The following GTF2IRD1 variants were observed in gnomAD, a reference collection of about 807,000 sequenced individuals.
GTF2IRD1 encodes general transcription factor II-I repeat domain-containing protein 1.
GTF2IRD1 carries 26 observed loss-of-function variants against 113.2 expected under a neutral mutation model. That is an observed-to-expected ratio of 0.23 (90% CI 0.17 to 0.32). The LOEUF (loss-of-function observed/expected upper bound fraction) is 0.32. Among genes scored for constraint, GTF2IRD1 ranks in the 10% least tolerant of loss-of-function variants. The pLI is 1.00. For missense variants in GTF2IRD1, 864 were observed against 1,280.8 expected, an observed-to-expected ratio of 0.67 and a Z score of 4.97; for synonymous variants, 484 against 529.1, an observed-to-expected ratio of 0.91 and a Z score of 1.17.
chr7:74,538,681 A>G lies in GTF2IRD1; in HGVS notation c.1449A>G (p.Gly483=). The G allele has an allele frequency of 1.3e-6, 2 of 1,579,770 alleles. No individual in the cohort carries two copies. The highest frequency in any genetic ancestry group is 1.7e-6 in the Non-Finnish European group (2 of 1,148,780). Reference sequence around the variant, plus strand: ...GGATTCTTCCTTTCCTCCTTGCAGGAACCTCCGGGGAGCTGGGCGGGCTGA... The same window carrying G: ...GGATTCTTCCTTTCCTCCTTGCAGGGACCTCCGGGGAGCTGGGCGGGCTGA... ...KGSMSEDCGP[G]TSGELGGLRP... Residue 483 remains glycine (G), a splice_region_variant and synonymous_variant, in exon 13 of 27, where the codon GGA becomes GGG. Transcript: ENST00000424337.
At chr7:74,540,223 C>T (rs782071056) in intron 14 of GTF2IRD1, among the ~76,000 whole-genome samples, 5 of 152,082 alleles carry the variant, frequency 3.3e-5, no homozygotes, top group East Asian at 1.9e-4. Context: ...CTCGGCTCAC[C>T]GCAACCTCTG....
intron 1 of GTF2IRD1, among the ~76,000 whole-genome samples, chr7:74,474,434 G>A (rs1266160762): frequency 6.6e-6 from 1 of 152,152 alleles, no homozygotes; most frequent in Non-Finnish European, 1.5e-5. Flanking sequence ...TCCCATCTTG[G>A]TGCAAATATT....
intron 26 of GTF2IRD1, chr7:74,601,618 C>A: frequency 1.9e-6 from 1 of 514,858 alleles, no homozygotes; most frequent in Non-Finnish European, 3.1e-6. Context: ...ACTAAAAATA[C>A]AAAATTAGCC....
rs1156355118 is a variant in GTF2IRD1, at chr7:74,520,769, C to CA, written c.917-418dup. ...TAACATAGCAAGATCCTATCTCTACCAAAAAAAAAAAAAAAAAAAAAGCGT... is the reference window on the plus strand; with the variant it reads ...TAACATAGCAAGATCCTATCTCTACCAAAAAAAAAAAAAAAAAAAAAAGCGT... On this transcript the variant is annotated intron_variant, in intron 6 of 26. Coordinates refer to ENST00000424337, the MANE Select transcript of GTF2IRD1 (RefSeq NM_005685.4). Among the ~76,000 whole-genome samples the CA allele has an allele frequency of 3.6e-3, 176 of 48,448 alleles. 1 individual carries two copies. Among genetic ancestry groups the CA allele is most frequent in the South Asian group, 8.9e-3 (11 of 1,234 alleles). The allele number at this position is 48,448 out of a possible 152,430, so 31.8% of individuals were successfully genotyped here.
chr7:74,460,248 CA>C (rs1190376733), intron 1 of GTF2IRD1, among the ~76,000 whole-genome samples: 1 of 151,356 alleles, frequency 6.6e-6, no homozygotes, highest in Non-Finnish European at 1.5e-5. Flanking sequence ...TGTACCCAGC[CA>C]GCAGGGTCCT....
chr7:74,497,785 A>C (rs1003336543), intron 1 of GTF2IRD1, among the ~76,000 whole-genome samples: 5 of 149,212 alleles, frequency 3.4e-5, no homozygotes, highest in African/African-American at 5.0e-5. Flanking sequence ...GCTCACTGCA[A>C]CCTCCGCCTC....
chr7:74,462,702 C>T (rs956278180), intron 1 of GTF2IRD1, among the ~76,000 whole-genome samples: 4 of 152,212 alleles, frequency 2.6e-5, no homozygotes, highest in Non-Finnish European at 2.9e-5. Context: ...CTGTGGCCTG[C>T]ACCCCATCAC....
intron 22 of GTF2IRD1, among the ~76,000 whole-genome samples, chr7:74,573,523 T>C (rs1051092793): frequency 2.0e-5 from 3 of 151,812 alleles, no homozygotes; most frequent in Admixed American, 1.3e-4. Context: ...CAGAAACCCT[T>C]TCCCCAGCGA....
Position 74,601,223 on chromosome 7 carries a change from C to A in GTF2IRD1, c.2766+43C>A. On this transcript the variant is annotated intron_variant, in intron 26 of 26. Transcript: ENST00000424337. ...TGGACTCCGGCACTCATCTCTGTGG[C>A]CCTCACCCCTCTGTCTGGCAGGGCC... 3 of 1,553,362 alleles carry A rather than the reference C, an allele frequency of 1.9e-6. No individual in the cohort carries two copies. In the South Asian group the frequency reaches 3.6e-5, roughly 18 times the overall value.
chr7:74,492,475 T>C (rs1554336975), intron 1 of GTF2IRD1, among the ~76,000 whole-genome samples: 1 of 152,148 alleles, frequency 6.6e-6, no homozygotes, highest in Non-Finnish European at 1.5e-5. Context: ...TGGCCCAGCA[T>C]CTGTCATTTT....
At chr7:74,564,373 C>A (rs1462865932) in intron 22 of GTF2IRD1, among the ~76,000 whole-genome samples, 1 of 152,144 alleles carries the variant, frequency 6.6e-6, no homozygotes, top group Non-Finnish European at 1.5e-5. Context: ...ATTGCAAGAG[C>A]CCCACTGCAC....
At chr7:74,544,649 TG>T in intron 14 of GTF2IRD1, 105 bp from the exon 15 acceptor site, 1 of 1,108,114 alleles carries the variant, frequency 9.0e-7, no homozygotes, top group Non-Finnish European at 1.4e-6. Flanking sequence ...GCTTCAGAGT[TG>T]GGGCCCCCTG....
chr7:74,515,729 G>A (rs2130182734), intron 4 of GTF2IRD1, 133 bp downstream of exon 4: 1 of 701,010 alleles, frequency 1.4e-6, no homozygotes, highest in East Asian at 2.7e-5. Context: ...TGGGGCTACT[G>A]GCTACCCCAG....
At chr7:74,562,554 T>TG (rs1554359387) in intron 22 of GTF2IRD1, among the ~76,000 whole-genome samples, 2 of 106,284 alleles carry the variant, frequency 1.9e-5, no homozygotes, top group Non-Finnish European at 3.8e-5. Context: ...CCAATTGCCC[T>TG]CTTTTTTTTT....
At chr7:74,472,590 T>C (rs782262279) in intron 1 of GTF2IRD1, among the ~76,000 whole-genome samples, 57 of 151,716 alleles carry the variant, frequency 3.8e-4, no homozygotes, top group Non-Finnish European at 7.5e-4. Context: ...CTATTAAAAA[T>C]ACAAAAAAAA....
At chr7:74,518,740 T>G (rs1797098098) in intron 5 of GTF2IRD1, among the ~76,000 whole-genome samples, 1 of 151,904 alleles carries the variant, frequency 6.6e-6, no homozygotes, top group South Asian at 2.1e-4. Context: ...TAAAAAAAAT[T>G]ACCCAGGTGT....
At chr7:74,536,088 C>A in intron 10 of GTF2IRD1, 79 bp from the exon 11 acceptor site, 1 of 917,076 alleles carries the variant, frequency 1.1e-6, no homozygotes, top group Non-Finnish European at 1.8e-6. Flanking sequence ...CAGCTTCACA[C>A]ACAGACCTTT....
In GTF2IRD1 at chr7:74,538,711, G is replaced by A. The variant is rs782315151; in HGVS notation, c.1479G>A (p.Pro493=). ...CCGGGGAGCTGGGCGGGCTGAGGCC[G>A]ATCAAAATTGAGCCAGAGGATCTGG... The part of the protein sequence containing the change: ...GTSGELGGLR[P]IKIEPEDLDI... The change falls in exon 13 of 27, where the codon CCG becomes CCA. Residue 493 remains proline, a synonymous_variant. Coordinates refer to ENST00000424337, the MANE Select transcript of GTF2IRD1 (RefSeq NM_005685.4). 65 of 1,607,176 alleles carry A rather than the reference G, an allele frequency of 4.0e-5. 1 individual carries two copies. In the South Asian group the frequency reaches 5.7e-4, roughly 14 times the overall value.
Position 74,555,837 on chromosome 7 carries a change from G to A in GTF2IRD1, c.2023+343G>A, listed in dbSNP as rs1302335059. ...TGAAATCAGAATAGGAGCCAGACGCGGCACCTCACGCCTGTAATCTCAGCA... is the reference window on the plus strand; with the variant it reads ...TGAAATCAGAATAGGAGCCAGACGCAGCACCTCACGCCTGTAATCTCAGCA... On this transcript the variant is annotated intron_variant, in intron 19 of 26. Transcript: ENST00000424337. The surrounding 1 kb of genome is among the most constrained non-coding windows in gnomAD (Gnocchi z 5.3). 4.6e-5 allele frequency among the ~76,000 whole-genome samples: 7 copies of A among 152,124 alleles called. No homozygotes were observed. The highest frequency in any genetic ancestry group is 1.9e-4 in the East Asian group (1 of 5,188).
Sources: allele counts gnomAD v4.1 joint callset (sites outside exome capture counted in the v4.1 genomes callset), GRCh38; gene constraint gnomAD v4.1.1; non-coding constraint Gnocchi (gnomAD v3.1); transcripts MANE v1.5; gene names NCBI Gene and HGNC (gene_info 2026-07-23, HGNC 2026-07-21).